The following PIP5K1B variants were observed in gnomAD, a reference collection of about 807,000 sequenced individuals.
PIP5K1B encodes the protein phosphatidylinositol 4-phosphate 5-kinase type-1 beta.
A neutral mutation model predicts 67.0 loss-of-function variants in PIP5K1B; 42 were observed. The observed-to-expected ratio is 0.63, with a 90% confidence interval of 0.49 to 0.81. The LOEUF (loss-of-function observed/expected upper bound fraction) is 0.81. Ranked by LOEUF, PIP5K1B falls within the 30% of genes least tolerant of loss-of-function variation. The probability of loss-of-function intolerance (pLI) is 0.00; values close to 1 mark genes in which losing one functional copy is unlikely to be tolerated. For missense variants in PIP5K1B, 459 were observed against 646.3 expected (o/e 0.71, Z 3.14); for synonymous variants, 214 against 231.4 (o/e 0.92, Z 0.68).
intron 5 of PIP5K1B, among the ~76,000 whole-genome samples, chr9:68,866,417 G>A (rs1587583854): frequency 6.6e-6 from 1 of 151,772 alleles, no homozygotes; most frequent in Admixed American, 6.6e-5. Flanking sequence ...GTGTGTGTGT[G>A]TATACATATA....
At chr9:68,779,978 T>C in intron 2 of PIP5K1B, 1 of 688,574 alleles carries the variant, frequency 1.5e-6, no homozygotes, top group African/African-American at 1.9e-5. Context: ...CGCGCACATA[T>C]TACGCATTAA....
intron 2 of PIP5K1B, among the ~76,000 whole-genome samples, chr9:68,749,590 C>T (rs192312015): frequency 1.3e-5 from 2 of 152,288 alleles, no homozygotes; most frequent in African/African-American, 4.8e-5. Flanking sequence ...CCACCTGTAA[C>T]CACATGTTAC....
chr9:68,993,810 C>T (rs920770427), intron 15 of PIP5K1B, among the ~76,000 whole-genome samples: 3 of 152,114 alleles, frequency 2.0e-5, no homozygotes, highest in African/African-American at 7.2e-5. Flanking sequence ...CACGGAGGTG[C>T]AATATTCCTA....
chr9:68,991,838 G>T (rs1052364824), intron 15 of PIP5K1B, among the ~76,000 whole-genome samples: 1 of 152,164 alleles, frequency 6.6e-6, no homozygotes, highest in Non-Finnish European at 1.5e-5. Context: ...CAAATTACCT[G>T]TATCAGCTTA....
intron 14 of PIP5K1B, among the ~76,000 whole-genome samples, chr9:68,984,093 A>G (rs940457233): frequency 3.9e-5 from 6 of 152,186 alleles, no homozygotes; most frequent in South Asian, 2.1e-4. Context: ...TTTGCATCCT[A>G]CATTCATTAC....
intron 1 of PIP5K1B, among the ~76,000 whole-genome samples, chr9:68,724,671 T>G (rs902105909): frequency 3.3e-5 from 5 of 151,250 alleles, no homozygotes; most frequent in Admixed American, 3.3e-4. Flanking sequence ...TATTACTAGG[T>G]TTTTTTTTGT....
At position 68,894,348 on chromosome 9, in the gene PIP5K1B, C is replaced by T; in HGVS notation, c.481C>T (p.Gln161Ter). The T allele has an allele frequency of 6.3e-7, 1 of 1,587,234 alleles. No homozygotes were observed. Among genetic ancestry groups the T allele is most frequent in the Non-Finnish European group, 8.6e-7 (1 of 1,165,286 alleles). Residue 161 changes from glutamine to a stop codon, truncating the protein, a stop_gained, in exon 8 of 16, where the codon CAG becomes TAG. Coordinates refer to ENST00000265382, the MANE Select transcript of PIP5K1B (RefSeq NM_003558.4). LOFTEE classifies it high-confidence loss of function. ...LLPGYYMNLNQNPRTLLPKFY... is the reference protein window; with the variant it reads ...LLPGYYMNLN ...TTTTTTTGGTTTCTAGAATTTAAAC[C>T]AGAATCCAAGGACTCTTTTGCCAAA... is the stretch of plus-strand genomic sequence containing the variant.
intron 11 of PIP5K1B, among the ~76,000 whole-genome samples, chr9:68,922,982 C>G (rs1308551051): frequency 6.6e-6 from 1 of 152,192 alleles, no homozygotes; most frequent in Non-Finnish European, 1.5e-5. Context: ...AAAAAAAGAA[C>G]TTAAAAACTC....
chr9:68,753,877 C>T (rs1014016784), intron 2 of PIP5K1B, among the ~76,000 whole-genome samples: 2 of 151,894 alleles, frequency 1.3e-5, no homozygotes, highest in Non-Finnish European at 2.9e-5. Flanking sequence ...CCAGGCCAGT[C>T]TTGAACTCCT....
At chr9:68,791,435 A>G (rs905846078) in intron 2 of PIP5K1B, among the ~76,000 whole-genome samples, 1 of 151,774 alleles carries the variant, frequency 6.6e-6, no homozygotes, top group Non-Finnish European at 1.5e-5. Context: ...ATTATTGTGA[A>G]CTCCCTGTTG....
chr9:68,953,234 T>G (rs1415083088), intron 14 of PIP5K1B, among the ~76,000 whole-genome samples: 1 of 152,196 alleles, frequency 6.6e-6, no homozygotes, highest in Non-Finnish European at 1.5e-5. Flanking sequence ...ACTGAGTTTT[T>G]AATTTCCATT....
chr9:68,888,905 A>G (rs1824623803), intron 6 of PIP5K1B, 76 bp from the exon 7 acceptor site: 1 of 992,488 alleles, frequency 1.0e-6, no homozygotes, highest in Non-Finnish European at 1.6e-6. Flanking sequence ...AAGATGTGCA[A>G]TGCTATGATT....
At chr9:68,997,718 C>G (rs1383039504) in intron 15 of PIP5K1B, among the ~76,000 whole-genome samples, 1 of 152,174 alleles carries the variant, frequency 6.6e-6, no homozygotes, top group African/African-American at 2.4e-5. Context: ...TTGCCCGAGT[C>G]TCACAGCATC....
intron 1 of PIP5K1B, among the ~76,000 whole-genome samples, chr9:68,712,349 C>G (rs1052384062): frequency 3.3e-4 from 50 of 152,324 alleles, no homozygotes; most frequent in African/African-American, 1.1e-3. Flanking sequence ...CAAAATAAAA[C>G]CTCTTTTCTT....
intron 12 of PIP5K1B, among the ~76,000 whole-genome samples, chr9:68,931,631 A>T (rs1294524084): frequency 6.6e-6 from 1 of 152,264 alleles, no homozygotes; most frequent in Non-Finnish European, 1.5e-5. Flanking sequence ...GTTCATTAAG[A>T]AGAGAGACAG....
intron 15 of PIP5K1B, among the ~76,000 whole-genome samples, chr9:69,006,178 A>ATT (rs199809249): frequency 6.6e-6 from 1 of 151,940 alleles, no homozygotes; most frequent in Non-Finnish European, 1.5e-5. Context: ...CAGCCCACTC[A>ATT]TTTTTTTTAC....
chr9:68,870,821 A>G (rs539909152), intron 5 of PIP5K1B, among the ~76,000 whole-genome samples: 3 of 152,336 alleles, frequency 2.0e-5, no homozygotes, highest in African/African-American at 7.2e-5. Context: ...ACTGACCACT[A>G]TCACCCAGGA....
intron 8 of PIP5K1B, among the ~76,000 whole-genome samples, chr9:68,915,351 C>A (rs1181570427): frequency 6.6e-6 from 1 of 152,112 alleles, no homozygotes; most frequent in Non-Finnish European, 1.5e-5. Flanking sequence ...GCCAAGCCAT[C>A]ATTTCAGTAT....
At chr9:68,912,277 T>C (rs1361353091) in intron 8 of PIP5K1B, among the ~76,000 whole-genome samples, 2 of 152,194 alleles carry the variant, frequency 1.3e-5, no homozygotes, top group Non-Finnish European at 2.9e-5. Context: ...ACTTCCACAG[T>C]GCGTGGCACT....
Sources: gnomAD v4.1 joint callset for allele counts (sites outside exome capture counted in the v4.1 genomes callset) on GRCh38, gnomAD v4.1.1 for gene constraint, MANE v1.5 for transcripts, NCBI Gene and HGNC (gene_info 2026-07-23, HGNC 2026-07-21) for gene names.